Variants in KIRREL3 observed in about 807,000 individuals in gnomAD.
The protein encoded by KIRREL3 is kin of IRRE-like protein 3.
In KIRREL3, 36 loss-of-function variants were observed where a neutral mutation model predicts 89.7. That is an observed-to-expected ratio of 0.40 (90% CI 0.31 to 0.53). The LOEUF (loss-of-function observed/expected upper bound fraction) is 0.53. Ranked by LOEUF, KIRREL3 falls within the 20% of genes least tolerant of loss-of-function variation. The pLI is 0.49. For missense variants in KIRREL3, 864 were observed against 1,056.6 expected (o/e 0.82, Z 2.53); for synonymous variants, 445 against 441.4 (o/e 1.01, Z -0.10).
chr11:126,549,813 G>A (rs532787665), intron 2 of KIRREL3: 4 of 152,338 alleles, frequency 2.6e-5, no homozygotes, highest in African/African-American at 7.2e-5. Flanking sequence ...TCCTGGGGTG[G>A]AAGCGGTGTG....
At position 126,443,692 on chromosome 11, in the gene KIRREL3, G is replaced by C. The variant is rs2134186723; in HGVS notation, c.1252+1287C>G. Among the ~76,000 whole-genome samples the C allele has an allele frequency of 6.6e-6, 1 of 152,264 alleles. No individual in the cohort carries two copies. Among genetic ancestry groups the C allele is most frequent in the East Asian group, 1.9e-4 (1 of 5,180 alleles). The stretch of plus-strand genomic sequence containing the variant: ...AGCTGGTTTTGGTTTTCTAGCGAAG[G>C]GGAGAATAGATGAGGCCATCAGCAG... On this transcript the variant is annotated intron_variant, in intron 10 of 16. Transcript: ENST00000525144. The surrounding 1 kb of genome is among the most constrained non-coding windows in gnomAD (Gnocchi z 7.3).
chr11:126,824,451 C>T (rs975498128), intron 1 of KIRREL3, among the ~76,000 whole-genome samples: 4 of 152,232 alleles, frequency 2.6e-5, no homozygotes, highest in African/African-American at 7.2e-5. Flanking sequence ...ACTCACCCAA[C>T]GTCACACATC....
In KIRREL3 at chr11:126,555,309, C is replaced by T. The variant is rs1939618966; in HGVS notation, c.133+7526G>A. Among the ~76,000 whole-genome samples the T allele has an allele frequency of 6.6e-6, 1 of 152,186 alleles. No homozygotes were observed. The highest frequency in any genetic ancestry group is 6.5e-5 in the Admixed American group (1 of 15,284). ...GAAACAAGCCACTCCAGTTCCCACC[C>T]ACAAAGAGGGTCAAGGTTAAGGGAA... On this transcript the variant is annotated intron_variant, in intron 2 of 16. Transcript: ENST00000525144. The surrounding 1 kb of genome is among the most constrained non-coding windows in gnomAD (Gnocchi z 4.2).
At chr11:126,964,195 A>G (rs1164032529) in intron 1 of KIRREL3, among the ~76,000 whole-genome samples, 1 of 152,226 alleles carries the variant, frequency 6.6e-6, no homozygotes, top group East Asian at 1.9e-4. Flanking sequence ...ATCTGTACAT[A>G]CAAAGCAGAG....
intron 1 of KIRREL3, among the ~76,000 whole-genome samples, chr11:126,992,065 T>C (rs749098298): frequency 2.6e-5 from 4 of 152,174 alleles, no homozygotes; most frequent in Non-Finnish European, 5.9e-5. Context: ...ATCATCACCA[T>C]CATCATCATA....
intron 1 of KIRREL3, among the ~76,000 whole-genome samples, chr11:126,690,447 G>T (rs1252286327): frequency 1.3e-5 from 2 of 152,008 alleles, no homozygotes; most frequent in Admixed American, 1.3e-4. Flanking sequence ...GATAATGATG[G>T]GAAGTCACCT....
chr11:126,930,406 G>C (rs1432281915), intron 1 of KIRREL3, among the ~76,000 whole-genome samples: 6 of 152,116 alleles, frequency 3.9e-5, no homozygotes, highest in Non-Finnish European at 7.4e-5. Context: ...CATTGGAATT[G>C]GGCTGCTCCA....
chr11:126,706,329 C>T (rs546526122), intron 1 of KIRREL3, among the ~76,000 whole-genome samples: 1 of 152,262 alleles, frequency 6.6e-6, no homozygotes, highest in African/African-American at 2.4e-5. Flanking sequence ...ATTAATACCA[C>T]ACTTAATAGG....
intron 2 of KIRREL3, among the ~76,000 whole-genome samples, chr11:126,546,873 T>C (rs1048865160): frequency 3.3e-5 from 5 of 152,196 alleles, no homozygotes; most frequent in African/African-American, 1.2e-4. Context: ...ATCATGAGTA[T>C]ACCCATTTCG....
At position 126,834,480 on chromosome 11, in the gene KIRREL3, G is replaced by A. The variant is rs1394832433; in HGVS notation, c.55+165975C>T. On this transcript the variant is annotated intron_variant, in intron 1 of 16. Transcript: ENST00000525144. ...AATCCTTTCTATCAGACTGGCTCCC[G>A]GCAGGAAAGAGAAAAAACTGATGAC... is the stretch of plus-strand genomic sequence containing the variant. Among the ~76,000 whole-genome samples, 4 of 152,126 alleles carry A rather than the reference G, an allele frequency of 2.6e-5. No individual in the cohort carries two copies. In the East Asian group the frequency reaches 5.8e-4, roughly 22 times the overall value.
At chr11:126,951,877 T>C (rs1381964981) in intron 1 of KIRREL3, among the ~76,000 whole-genome samples, 2 of 152,196 alleles carry the variant, frequency 1.3e-5, no homozygotes, top group African/African-American at 2.4e-5. Flanking sequence ...CTTTCCACTT[T>C]ACTGAAATCT....
At chr11:126,504,577 G>C (rs981463898) in intron 4 of KIRREL3, among the ~76,000 whole-genome samples, 2 of 152,188 alleles carry the variant, frequency 1.3e-5, no homozygotes, top group Non-Finnish European at 2.9e-5. Flanking sequence ...GGCATCATTG[G>C]TGAATTCTAT....
At chr11:126,621,708 T>C (rs1004563804) in intron 1 of KIRREL3, among the ~76,000 whole-genome samples, 1 of 152,248 alleles carries the variant, frequency 6.6e-6, no homozygotes, top group Non-Finnish European at 1.5e-5. Context: ...TCATCTATTA[T>C]AGTTTTACTA....
intron 1 of KIRREL3, among the ~76,000 whole-genome samples, chr11:126,956,572 C>T (rs1179784609): frequency 2.0e-5 from 3 of 152,118 alleles, no homozygotes; most frequent in Admixed American, 6.5e-5. Context: ...CCCAAGGAGA[C>T]GTGACTCCAG....
At chr11:126,585,810 A>G (rs549383987) in intron 1 of KIRREL3, among the ~76,000 whole-genome samples, 9 of 152,354 alleles carry the variant, frequency 5.9e-5, no homozygotes, top group Non-Finnish European at 7.3e-5. Context: ...TACTCCATCA[A>G]TGTAAACGAC....
chr11:126,774,382 G>T (rs765608558), intron 1 of KIRREL3, among the ~76,000 whole-genome samples: 1 of 152,096 alleles, frequency 6.6e-6, no homozygotes, highest in Non-Finnish European at 1.5e-5. Context: ...TGGTTCCCCC[G>T]TGGCAGGAGA....
At chr11:126,862,662 C>T (rs1374679397) in intron 1 of KIRREL3, among the ~76,000 whole-genome samples, 2 of 152,198 alleles carry the variant, frequency 1.3e-5, no homozygotes, top group Non-Finnish European at 2.9e-5. Context: ...AGGCAGGGCA[C>T]CTGGCTTCCC....
At chr11:126,937,726 C>T (rs542456706) in intron 1 of KIRREL3, among the ~76,000 whole-genome samples, 38 of 151,724 alleles carry the variant, frequency 2.5e-4, no homozygotes, top group Admixed American at 1.7e-3. Flanking sequence ...AGTGAAACCC[C>T]ATCTCTACTA....
chr11:126,588,752 T>C (rs1941993651), intron 1 of KIRREL3, among the ~76,000 whole-genome samples: 5 of 152,206 alleles, frequency 3.3e-5, no homozygotes, highest in Admixed American at 3.3e-4. Flanking sequence ...AATCCCCTGA[T>C]AAATCCCAAG....
Sources: gnomAD v4.1 joint callset for allele counts (sites outside exome capture counted in the v4.1 genomes callset) on GRCh38, gnomAD v4.1.1 for gene constraint, Gnocchi (gnomAD v3.1) non-coding constraint, MANE v1.5 for transcripts, NCBI Gene and HGNC (gene_info 2026-07-23, HGNC 2026-07-21) for gene names.